ZSWIM5: variants seen among roughly 807,000 people sequenced by gnomAD.
ZSWIM5 encodes the protein zinc finger SWIM domain-containing protein 5.
In ZSWIM5, 55 loss-of-function variants were observed where a neutral mutation model predicts 119.6. The ratio of observed to expected loss-of-function variants is 0.46; its 90% CI spans 0.37 to 0.58. The LOEUF is 0.58. ZSWIM5 is among the 20% of genes least tolerant of loss of function. ZSWIM5 has a pLI of 0.00. For missense variants in ZSWIM5, 1,193 were observed against 1,512.8 expected (o/e 0.79, Z 3.51); for synonymous variants, 537 against 606.9 (o/e 0.88, Z 1.69).
intron 11 of ZSWIM5, among the ~76,000 whole-genome samples, chr1:45,031,739 C>T (rs1374520788): frequency 4.7e-5 from 7 of 148,826 alleles, no homozygotes; most frequent in African/African-American, 7.4e-5. Context: ...ACTCGGGAGG[C>T]GGAGGCAGGA....
In ZSWIM5 at chr1:45,018,591, A is replaced by G; in HGVS notation, c.3421T>C (p.Phe1141Leu). 1 of 1,614,130 alleles carries G rather than the reference A, an allele frequency of 6.2e-7. No individual in the cohort carries two copies. Among genetic ancestry groups the G allele is most frequent in the East Asian group, 2.2e-5 (1 of 44,878 alleles). ...AAGGTCTCCCGAGCCTTGCTTAGAA[A>G]CTCAATGAACTCTCCATAGTGGCGA... ...SPRHYGEFIE[F>L]LSKARETFLL... The change falls in exon 14 of 14, where the codon TTT becomes CTT. Residue 1141 changes from phenylalanine (F) to leucine (L), a missense_variant. Physicochemically the swap from Phe to Leu is conservative, Grantham distance 22. Coordinates refer to ENST00000359600, the MANE Select transcript of ZSWIM5 (RefSeq NM_020883.2). The surrounding 1 kb of genome is among the most constrained non-coding windows in gnomAD (Gnocchi z 6.7).
chr1:45,126,570 G>A (rs540485428), intron 1 of ZSWIM5, among the ~76,000 whole-genome samples: 130 of 152,164 alleles, frequency 8.5e-4, no homozygotes, highest in African/African-American at 2.9e-3. Context: ...AAATCCTTGT[G>A]CCCAAATTAT....
At chr1:45,048,033 G>GTTTC (rs139548010) in intron 5 of ZSWIM5, among the ~76,000 whole-genome samples, 1,931 of 128,208 alleles carry the variant, frequency 0.015, 49 homozygotes, top group East Asian at 0.093. Flanking sequence ...TATTATGGTT[G>GTTTC]TTTCTTTCTT....
chr1:45,131,180 A>G (rs1237759763), intron 1 of ZSWIM5, among the ~76,000 whole-genome samples: 3 of 152,178 alleles, frequency 2.0e-5, no homozygotes, highest in African/African-American at 7.2e-5. Flanking sequence ...TCTTAAATAT[A>G]TCAATGTCAA....
intron 11 of ZSWIM5, among the ~76,000 whole-genome samples, chr1:45,024,854 C>T (rs1351419490): frequency 2.6e-5 from 4 of 151,864 alleles, no homozygotes; most frequent in African/African-American, 9.7e-5. Context: ...GAGGTTTCAC[C>T]ATGTTGGCCA....
chr1:45,090,795 G>A (rs936653035), intron 1 of ZSWIM5, among the ~76,000 whole-genome samples: 3 of 151,664 alleles, frequency 2.0e-5, no homozygotes, highest in Admixed American at 6.6e-5. Flanking sequence ...CTGCACTCTA[G>A]CCTGGGACAC....
At chr1:45,122,925 A>C (rs1201025963) in intron 1 of ZSWIM5, among the ~76,000 whole-genome samples, 2 of 152,168 alleles carry the variant, frequency 1.3e-5, no homozygotes, top group Non-Finnish European at 2.9e-5. Flanking sequence ...GTGTCAGATG[A>C]AGCCCAGTGG....
chr1:45,205,717 G>A (rs1203477595), intron 1 of ZSWIM5, 39 bp downstream of exon 1: 2 of 1,495,428 alleles, frequency 1.3e-6, no homozygotes, highest in South Asian at 2.4e-5. Flanking sequence ...CCGCGGAAGA[G>A]GAGGCTGAGG....
At chr1:45,055,923 G>GT (rs1645119017) in intron 4 of ZSWIM5, among the ~76,000 whole-genome samples, 1 of 152,288 alleles carries the variant, frequency 6.6e-6, no homozygotes, top group East Asian at 1.9e-4. Flanking sequence ...GAGGCTAGGA[G>GT]TTCAAGACCA....
chr1:45,121,152 C>T (rs187032646), intron 1 of ZSWIM5, among the ~76,000 whole-genome samples: 4 of 152,236 alleles, frequency 2.6e-5, no homozygotes, highest in African/African-American at 9.6e-5. Flanking sequence ...AGGGTTTCAC[C>T]ATGTTAGCCA....
chr1:45,143,371 C>A (rs1190219166), intron 1 of ZSWIM5, among the ~76,000 whole-genome samples: 1 of 152,000 alleles, frequency 6.6e-6, no homozygotes, highest in African/African-American at 2.4e-5. Context: ...ATGTAATCCA[C>A]CATATTAACA....
chr1:45,140,411 C>T (rs997017745), intron 1 of ZSWIM5, among the ~76,000 whole-genome samples: 2 of 151,982 alleles, frequency 1.3e-5, no homozygotes, highest in Non-Finnish European at 1.5e-5. Flanking sequence ...ATATACTATA[C>T]ACTCTCAAAT....
At chr1:45,098,400 C>T (rs1434431826) in intron 1 of ZSWIM5, among the ~76,000 whole-genome samples, 2 of 152,204 alleles carry the variant, frequency 1.3e-5, no homozygotes, top group African/African-American at 2.4e-5. Flanking sequence ...TCATAATAAT[C>T]TCTTGCCTGG....
intron 1 of ZSWIM5, among the ~76,000 whole-genome samples, chr1:45,133,701 A>G (rs1645672878): frequency 6.6e-6 from 1 of 152,068 alleles, no homozygotes. Context: ...TATGTCCTGA[A>G]TGGTATTGCC....
chr1:45,030,656 T>G (rs1048814599), intron 11 of ZSWIM5, among the ~76,000 whole-genome samples: 12 of 152,244 alleles, frequency 7.9e-5, no homozygotes, highest in South Asian at 4.1e-4. Context: ...TGTAATATTC[T>G]CCTATTACCA....
At chr1:45,085,142 G>T (rs1303325926) in intron 2 of ZSWIM5, among the ~76,000 whole-genome samples, 1 of 152,258 alleles carries the variant, frequency 6.6e-6, no homozygotes, top group Non-Finnish European at 1.5e-5. Context: ...AGCCGCCAAG[G>T]CTTATGGCTT....
chr1:45,114,578 T>C (rs917851808), intron 1 of ZSWIM5, among the ~76,000 whole-genome samples: 1 of 152,060 alleles, frequency 6.6e-6, no homozygotes, highest in Non-Finnish European at 1.5e-5. Flanking sequence ...AAAAATAATA[T>C]ATAGTTCTGC....
intron 1 of ZSWIM5, among the ~76,000 whole-genome samples, chr1:45,192,440 A>C (rs1165067097): frequency 6.6e-6 from 1 of 152,234 alleles, no homozygotes; most frequent in African/African-American, 2.4e-5. Context: ...TCCATGTTGT[A>C]GCATGTATTA....
At chr1:45,029,328 G>A (rs1418757414) in intron 11 of ZSWIM5, among the ~76,000 whole-genome samples, 3 of 152,156 alleles carry the variant, frequency 2.0e-5, no homozygotes, top group Non-Finnish European at 4.4e-5. Context: ...TTGCAGGCTA[G>A]TTATTTTGTA....
Sources: allele counts gnomAD v4.1 joint callset (sites outside exome capture counted in the v4.1 genomes callset), GRCh38; gene constraint gnomAD v4.1.1; non-coding constraint Gnocchi (gnomAD v3.1); transcripts MANE v1.5; gene names NCBI Gene and HGNC (gene_info 2026-07-23, HGNC 2026-07-21).